The following LGR4 variants were observed in gnomAD, a reference collection of about 807,000 sequenced individuals.
LGR4 encodes the protein leucine-rich repeat-containing G protein-coupled receptor 4.
Under a neutral mutation model 84.8 loss-of-function variants are expected in LGR4, and 44 were observed. The ratio of observed to expected loss-of-function variants is 0.52; its 90% CI spans 0.41 to 0.67. The LOEUF is 0.67. Ranked by LOEUF, LGR4 falls within the 30% of genes least tolerant of loss-of-function variation. The pLI, the probability that LGR4 is intolerant of heterozygous loss-of-function variation, is 0.00. For missense variants in LGR4, 1,032 were observed against 1,131.4 expected, an observed-to-expected ratio of 0.91 and a Z score of 1.26; for synonymous variants, 429 against 434.3, an observed-to-expected ratio of 0.99 and a Z score of 0.15.
intron 2 of LGR4, among the ~76,000 whole-genome samples, chr11:27,404,508 C>G (rs1041411609): frequency 3.3e-5 from 5 of 152,130 alleles, no homozygotes; most frequent in Non-Finnish European, 7.3e-5. Flanking sequence ...ATGCCTAGTC[C>G]CTAGATCCTA....
At chr11:27,390,534 C>T (rs575104689) in intron 4 of LGR4, among the ~76,000 whole-genome samples, 1 of 152,256 alleles carries the variant, frequency 6.6e-6, no homozygotes, top group East Asian at 1.9e-4. Context: ...CAAAGTACCA[C>T]ACTTAGAGAA....
intron 16 of LGR4, among the ~76,000 whole-genome samples, 198 bp downstream of exon 16, chr11:27,372,085 G>T (rs866224319): frequency 6.6e-6 from 1 of 151,984 alleles, no homozygotes; most frequent in Non-Finnish European, 1.5e-5. Context: ...GGCTGGTCTC[G>T]AACTCTTAGC....
At chr11:27,408,725 T>C (rs999073275) in intron 2 of LGR4, among the ~76,000 whole-genome samples, 1 of 152,130 alleles carries the variant, frequency 6.6e-6, no homozygotes, top group Non-Finnish European at 1.5e-5. Context: ...CTCCAACTTC[T>C]ACCCCCAAGC....
At chr11:27,440,916 G>C (rs1001588825) in intron 1 of LGR4, among the ~76,000 whole-genome samples, 1 of 152,118 alleles carries the variant, frequency 6.6e-6, no homozygotes, top group Non-Finnish European at 1.5e-5. Flanking sequence ...CAGCCCTCCT[G>C]GTGATTCGAA....
chr11:27,402,013 T>C (rs1239213678), intron 2 of LGR4, among the ~76,000 whole-genome samples: 1 of 152,164 alleles, frequency 6.6e-6, no homozygotes, highest in African/African-American at 2.4e-5. Flanking sequence ...AATGGCTCTA[T>C]AAAAATGGGT....
At chr11:27,391,837 A>G (rs1387799039) in intron 3 of LGR4, among the ~76,000 whole-genome samples, 1 of 152,190 alleles carries the variant, frequency 6.6e-6, no homozygotes, top group Admixed American at 6.5e-5. Flanking sequence ...TAACCACAGA[A>G]TAGAAGAGAT....
chr11:27,470,528 A>G (rs947783430), intron 1 of LGR4, among the ~76,000 whole-genome samples: 1 of 152,156 alleles, frequency 6.6e-6, no homozygotes, highest in African/African-American at 2.4e-5. Flanking sequence ...TTCTGCACGA[A>G]TTCCCTAAAC....
chr11:27,390,126 T>C (rs921154413), intron 4 of LGR4, among the ~76,000 whole-genome samples: 2 of 152,190 alleles, frequency 1.3e-5, no homozygotes, highest in African/African-American at 4.8e-5. Context: ...TGGTAACCTA[T>C]AATTTATAAT....
intron 1 of LGR4, among the ~76,000 whole-genome samples, chr11:27,440,909 C>A (rs755105208): frequency 3.3e-5 from 5 of 152,166 alleles, no homozygotes; most frequent in South Asian, 2.1e-4. Flanking sequence ...TTTTACACAG[C>A]CCTCCTGGTG....
chr11:27,378,743 T>G lies in LGR4; in HGVS notation c.997A>C (p.Ser333Arg). 1 of 1,612,268 alleles carries G rather than the reference T, an allele frequency of 6.2e-7. No individual in the cohort carries two copies. Among genetic ancestry groups the G allele is most frequent in the Non-Finnish European group, 8.5e-7 (1 of 1,178,942 alleles). ...TCTTGACACAAATTATTAGGTATGC[T>G]GCTTATCTTTGTACCTGTCAAAGTC... ...SLTLTGTKIS[S>R]IPNNLCQEQK... Residue 333 changes from serine (S) to arginine (R), a missense_variant, in exon 11 of 18, where the codon AGC becomes CGC. By Grantham distance (110) the Ser-to-Arg change is moderately radical. Coordinates refer to ENST00000379214, the MANE Select transcript of LGR4 (RefSeq NM_018490.5).
intron 14 of LGR4, 80 bp from the exon 15 acceptor site, chr11:27,373,756 A>G: frequency 7.6e-7 from 1 of 1,309,710 alleles, no homozygotes; most frequent in Non-Finnish European, 1.1e-6. Flanking sequence ...TAACATCATA[A>G]ATATTAGATC....
At chr11:27,380,207 G>A in intron 10 of LGR4, 64 bp downstream of exon 10, 1 of 1,008,260 alleles carries the variant, frequency 9.9e-7, no homozygotes, top group Non-Finnish European at 1.5e-6. Context: ...AAAGACCCTG[G>A]CACCCTGCTA....
chr11:27,371,470 A>G (rs1378096589), intron 17 of LGR4, 145 bp downstream of exon 17: 1 of 525,326 alleles, frequency 1.9e-6, no homozygotes, highest in Non-Finnish European at 3.3e-6. Flanking sequence ...GCTGGCTGGT[A>G]CGCAAAGCAC....
At chr11:27,423,687 C>G (rs764555461) in intron 1 of LGR4, among the ~76,000 whole-genome samples, 1 of 152,180 alleles carries the variant, frequency 6.6e-6, no homozygotes, top group Non-Finnish European at 1.5e-5. Flanking sequence ...AGAGAAGAGG[C>G]TATGCCATCA....
chr11:27,388,658 A>G (rs902830324), intron 4 of LGR4, among the ~76,000 whole-genome samples: 1 of 152,170 alleles, frequency 6.6e-6, no homozygotes, highest in Non-Finnish European at 1.5e-5. Flanking sequence ...AAACTACAGT[A>G]ACAAAATAAT....
chr11:27,416,072 T>C (rs1053628547), intron 1 of LGR4, among the ~76,000 whole-genome samples: 1 of 152,192 alleles, frequency 6.6e-6, no homozygotes, highest in East Asian at 1.9e-4. Flanking sequence ...TACAGATTAG[T>C]ACCTTCAAAT....
chr11:27,399,978 T>C (rs910790296), intron 2 of LGR4, among the ~76,000 whole-genome samples: 2 of 152,190 alleles, frequency 1.3e-5, no homozygotes, highest in Non-Finnish European at 2.9e-5. Context: ...GCATTTGGTA[T>C]CAATATATGT....
At chr11:27,391,337 CTTG>C (rs1283165838) in intron 3 of LGR4, among the ~76,000 whole-genome samples, 172 bp from the exon 4 acceptor site, 4 of 149,774 alleles carry the variant, frequency 2.7e-5, no homozygotes, top group South Asian at 2.1e-4. Flanking sequence ...TCAAGAAGCA[CTTG>C]TTGTAAAGCC....
intron 17 of LGR4, 43 bp from the exon 18 acceptor site, chr11:27,369,186 T>G (rs2133358799): frequency 7.0e-7 from 1 of 1,437,166 alleles, no homozygotes. Context: ...AAAGATAACT[T>G]AGAAAACAAT....
Sources: gnomAD v4.1 joint callset for allele counts (sites outside exome capture counted in the v4.1 genomes callset) on GRCh38, gnomAD v4.1.1 for gene constraint, MANE v1.5 for transcripts, NCBI Gene and HGNC (gene_info 2026-07-23, HGNC 2026-07-21) for gene names.